TTC29: variants seen among roughly 807,000 people sequenced by gnomAD.
The protein encoded by TTC29 is tetratricopeptide repeat domain 29, also known as tetratricopeptide repeat protein 29.
In TTC29, 49 loss-of-function variants were observed where a neutral mutation model predicts 58.1. The ratio of observed to expected loss-of-function variants is 0.84; its 90% CI spans 0.67 to 1.07. TTC29 has a LOEUF of 1.07. TTC29 is among the 50% of genes least tolerant of loss of function. The probability of loss-of-function intolerance (pLI) is 0.00; values close to 1 mark genes in which losing one functional copy is unlikely to be tolerated. For synonymous variants in TTC29, 209 were observed against 196.8 expected, an observed-to-expected ratio of 1.06 and a Z score of -0.52; for missense variants, 582 against 555.6, an observed-to-expected ratio of 1.05 and a Z score of -0.48.
In TTC29 at chr4:146,803,676, T is replaced by C. The variant is rs1323217127; in HGVS notation, c.1111A>G (p.Asn371Asp). The part of the protein sequence containing the change: ...GDIYNEKGYY[N>D]KASECFQQAF... ...TGCTGAAAGCATTCAGAAGCTTTGT[T>C]GTAGTATCCCTAAAAAGGTAAGAGA... The change falls in exon 11 of 13, where the codon AAC becomes GAC. Residue 371 changes from asparagine (N) to aspartate (D), a missense_variant. Transcript: ENST00000325106. 2.5e-6 allele frequency: 4 copies of C among 1,580,920 alleles called. No homozygotes were observed. The highest frequency in any genetic ancestry group is 3.4e-6 in the Non-Finnish European group (4 of 1,159,572).
chr4:146,754,036 C>G (rs1746238061), intron 11 of TTC29, among the ~76,000 whole-genome samples: 1 of 150,014 alleles, frequency 6.7e-6, no homozygotes, highest in Admixed American at 6.7e-5. Flanking sequence ...CATATGTACC[C>G]TAAAACTTAA....
intron 9 of TTC29, among the ~76,000 whole-genome samples, chr4:146,830,315 T>C (rs1318086328): frequency 6.6e-6 from 1 of 152,194 alleles, no homozygotes; most frequent in African/African-American, 2.4e-5. Flanking sequence ...TCTGTATCTA[T>C]TAATAATATC....
At chr4:146,809,375 A>G (rs1750853960) in intron 10 of TTC29, among the ~76,000 whole-genome samples, 1 of 150,220 alleles carries the variant, frequency 6.7e-6, no homozygotes. Flanking sequence ...ACAAAAGCCA[A>G]AATTGACAAA....
chr4:146,891,254 T>A (rs1732339363), intron 6 of TTC29, among the ~76,000 whole-genome samples: 1 of 152,194 alleles, frequency 6.6e-6, no homozygotes, highest in East Asian at 1.9e-4. Context: ...TTTTGAATGA[T>A]TTACTTTTTA....
At chr4:146,715,759 A>G (rs1256041936) in intron 11 of TTC29, among the ~76,000 whole-genome samples, 1 of 152,154 alleles carries the variant, frequency 6.6e-6, no homozygotes, top group Non-Finnish European at 1.5e-5. Context: ...AAGCTAGAAG[A>G]CCGAATTTTG....
chr4:146,715,370 T>C (rs1561053596), intron 11 of TTC29, among the ~76,000 whole-genome samples: 1 of 152,140 alleles, frequency 6.6e-6, no homozygotes, highest in Non-Finnish European at 1.5e-5. Context: ...TAAGTGTCCG[T>C]TAACAGACAA....
intron 11 of TTC29, among the ~76,000 whole-genome samples, chr4:146,802,254 G>A (rs115152594): frequency 0.013 from 2,041 of 152,080 alleles, 22 homozygotes; most frequent in Non-Finnish European, 0.024. Context: ...GAAAATATGC[G>A]AACCTGAAGG....
intron 11 of TTC29, among the ~76,000 whole-genome samples, chr4:146,769,969 A>C (rs2150072724): frequency 6.6e-6 from 1 of 152,170 alleles, no homozygotes; most frequent in South Asian, 2.1e-4. Flanking sequence ...ATCTTTATTA[A>C]ATAGATTAAA....
At chr4:146,863,752 G>A (rs376221720) in intron 8 of TTC29, among the ~76,000 whole-genome samples, 1 of 152,114 alleles carries the variant, frequency 6.6e-6, no homozygotes, top group Non-Finnish European at 1.5e-5. Flanking sequence ...CCTGCAAACT[G>A]GTGAGTCAGT....
chr4:146,850,920 T>A (rs552439096), intron 8 of TTC29, among the ~76,000 whole-genome samples: 8 of 152,316 alleles, frequency 5.3e-5, no homozygotes, highest in Admixed American at 2.6e-4. Context: ...GAAAAATGTA[T>A]CGTTAAATCA....
chr4:146,735,312 A>C (rs1287123612), intron 11 of TTC29, among the ~76,000 whole-genome samples: 2 of 152,160 alleles, frequency 1.3e-5, no homozygotes, highest in Non-Finnish European at 2.9e-5. Context: ...GTATGAAGGA[A>C]GTGTTCTATT....
chr4:146,843,526 G>A (rs1046150257), intron 8 of TTC29, among the ~76,000 whole-genome samples: 4 of 152,066 alleles, frequency 2.6e-5, no homozygotes, highest in Non-Finnish European at 5.9e-5. Context: ...GTCAAGGGCG[G>A]GAAGGGCTGA....
chr4:146,744,359 C>T (rs531293281), intron 11 of TTC29, among the ~76,000 whole-genome samples: 1 of 151,152 alleles, frequency 6.6e-6, no homozygotes, highest in East Asian at 1.9e-4. Context: ...CAGTGAGACC[C>T]CCATCTCTTA....
chr4:146,807,291 A>G (rs1465028651), intron 10 of TTC29, among the ~76,000 whole-genome samples: 1 of 152,232 alleles, frequency 6.6e-6, no homozygotes, highest in African/African-American at 2.4e-5. Flanking sequence ...AAAGCAGGAA[A>G]GATCTAAAAT....
chr4:146,811,951 T>C (rs547554395), intron 10 of TTC29, among the ~76,000 whole-genome samples: 19 of 152,318 alleles, frequency 1.2e-4, no homozygotes, highest in African/African-American at 4.6e-4. Flanking sequence ...CCATATTACA[T>C]CAAAAATAAC....
intron 11 of TTC29, among the ~76,000 whole-genome samples, chr4:146,711,904 T>A (rs1473487082): frequency 3.3e-5 from 5 of 152,114 alleles, no homozygotes; most frequent in Non-Finnish European, 1.5e-5. Flanking sequence ...AATATGATTT[T>A]ACAAGGCCAC....
chr4:146,922,988 C>A (rs1734693022), intron 4 of TTC29, among the ~76,000 whole-genome samples: 1 of 151,842 alleles, frequency 6.6e-6, no homozygotes, highest in Non-Finnish European at 1.5e-5. Flanking sequence ...AGAAACTATT[C>A]TGTTTTACAT....
At chr4:146,887,229 A>G (rs1561221430) in intron 6 of TTC29, among the ~76,000 whole-genome samples, 1 of 152,164 alleles carries the variant, frequency 6.6e-6, no homozygotes, top group Non-Finnish European at 1.5e-5. Flanking sequence ...CCACAATAAC[A>G]TAAAAAAGAA....
chr4:146,917,617 A>ACATTATATATTTAATATC (rs1250048875), intron 4 of TTC29, among the ~76,000 whole-genome samples: 1 of 143,148 alleles, frequency 7.0e-6, no homozygotes, highest in Admixed American at 7.1e-5. Flanking sequence ...TTTATAATAT[A>ACATTATATATTTAATATC]TAATTAGATA....
Sources: allele counts gnomAD v4.1 joint callset (sites outside exome capture counted in the v4.1 genomes callset), GRCh38; gene constraint gnomAD v4.1.1; transcripts MANE v1.5; gene names NCBI Gene and HGNC (gene_info 2026-07-23, HGNC 2026-07-21).